MYH15: variants seen among roughly 807,000 people sequenced by gnomAD.
The protein encoded by MYH15 is myosin-15.
A neutral mutation model predicts 240.5 loss-of-function variants in MYH15; 227 were observed. That is an observed-to-expected ratio of 0.94 (90% CI 0.85 to 1.05). MYH15 has a LOEUF of 1.05. Among genes scored for constraint, MYH15 ranks in the 50% least tolerant of loss-of-function variants. The pLI, the probability that MYH15 is intolerant of heterozygous loss-of-function variation, is 0.00. For missense variants in MYH15, 2,217 were observed against 2,247.5 expected, an observed-to-expected ratio of 0.99 and a Z score of 0.27; for synonymous variants, 785 against 796.7, an observed-to-expected ratio of 0.99 and a Z score of 0.25.
intron 19 of MYH15, among the ~76,000 whole-genome samples, chr3:108,456,462 G>A (rs2083020573): frequency 6.6e-6 from 1 of 152,090 alleles, no homozygotes; most frequent in South Asian, 2.1e-4. Flanking sequence ...CTACGATTAA[G>A]TATACACAAC....
intron 33 of MYH15, among the ~76,000 whole-genome samples, chr3:108,403,838 T>TC (rs1184907317): frequency 1.3e-5 from 2 of 152,164 alleles, no homozygotes; most frequent in Non-Finnish European, 2.9e-5. Flanking sequence ...TGGCTTTTTT[T>TC]CGCACTAAGA....
At chr3:108,422,693 G>C (rs16854597) in intron 27 of MYH15, among the ~76,000 whole-genome samples, 13,593 of 152,186 alleles carry the variant, frequency 0.089, 1,399 homozygotes, top group East Asian at 0.55. Context: ...TATGGAAATG[G>C]AAGAACTGGG....
At chr3:108,458,886 G>T (rs779768002) in intron 18 of MYH15, among the ~76,000 whole-genome samples, 13 of 152,126 alleles carry the variant, frequency 8.5e-5, no homozygotes, top group African/African-American at 2.4e-5. Flanking sequence ...GGAAGAAGAT[G>T]TTGGCATTGG....
At chr3:108,507,860 T>C (rs1002508575) in intron 1 of MYH15, among the ~76,000 whole-genome samples, 14 of 152,350 alleles carry the variant, frequency 9.2e-5, no homozygotes, top group African/African-American at 2.6e-4. Flanking sequence ...TATGAAAATA[T>C]GCTTGTTTTT....
intron 11 of MYH15, 45 bp from the exon 12 acceptor site, chr3:108,476,560 T>C: frequency 8.0e-7 from 1 of 1,248,494 alleles, no homozygotes; most frequent in Non-Finnish European, 1.2e-6. Context: ...AGGAAAACAC[T>C]GTTAAGATTC....
intron 1 of MYH15, among the ~76,000 whole-genome samples, chr3:108,517,988 T>A (rs2083587768): frequency 6.6e-6 from 1 of 152,186 alleles, no homozygotes; most frequent in South Asian, 2.1e-4. Context: ...CTCATCTACA[T>A]TTGTATTTTT....
chr3:108,526,660 T>G (rs2083674252), intron 1 of MYH15, among the ~76,000 whole-genome samples: 2 of 152,200 alleles, frequency 1.3e-5, no homozygotes, highest in East Asian at 1.9e-4. Context: ...TAAATTAGAA[T>G]AGATTTTAAA....
In MYH15 at chr3:108,456,953, T is replaced by C. The variant is rs977473774; in HGVS notation, c.2021-70A>G. On this transcript the variant is annotated intron_variant, in intron 18 of 40. Coordinates refer to ENST00000693548, the MANE Select transcript of MYH15 (RefSeq NM_014981.3). ...ATTATTGGGACAGATTTTGAACCAA[T>C]TGCTGCATCTTGGGTTAAAAAGAAA... is the stretch of plus-strand genomic sequence containing the variant. The C allele has an allele frequency of 4.7e-5, 51 of 1,092,258 alleles. No homozygotes were observed. The Admixed American group carries it at 8.6e-4, about 18-fold the overall frequency. 67.7% of individuals were successfully genotyped at this position (1,092,258 alleles called of 1,614,324 possible). A position where few individuals can be genotyped will look rare whatever the true frequency, so the allele number is the denominator to read the frequency against.
In MYH15 at chr3:108,415,479, T is replaced by G. The variant is rs550814808; in HGVS notation, c.3949-1051A>C. On this transcript the variant is annotated intron_variant, in intron 29 of 40. Coordinates refer to ENST00000693548, the MANE Select transcript of MYH15 (RefSeq NM_014981.3). ...TTTAAAGGAAAAACTTTTAAAACCTTTATGTGGCATTTACATGGCATATAT... is the reference window on the plus strand; with the variant it reads ...TTTAAAGGAAAAACTTTTAAAACCTGTATGTGGCATTTACATGGCATATAT... Among the ~76,000 whole-genome samples, 40 of 152,312 alleles carry G rather than the reference T, an allele frequency of 2.6e-4. 1 individual carries two copies. The South Asian group carries it at 3.9e-3, about 15-fold the overall frequency.
In MYH15 at chr3:108,410,912, A is replaced by T; in HGVS notation, c.4166T>A (p.Leu1389Ter). The change falls in exon 31 of 41, where the codon TTG (leucine) becomes TAG (stop). Residue 1389 changes from leucine to a stop codon, truncating the protein, a stop_gained. Coordinates refer to ENST00000693548, the MANE Select transcript of MYH15 (RefSeq NM_014981.3). LOFTEE classifies it high-confidence loss of function. ...EDAKKELAIR[L>*]QEAAEAMGVA... ...CCCCATGGCTTCGGCTGCCTCCTGC[A>T]ATCTAATTGCCAGTTCCTTCCTGAG... 1 of 1,602,382 alleles carries T rather than the reference A, an allele frequency of 6.2e-7. No homozygotes were observed. The highest frequency in any genetic ancestry group is 1.1e-5 in the South Asian group (1 of 90,584).
rs56118396 is a variant in MYH15, at chr3:108,394,107, C to T, written c.5183G>A (p.Arg1728Gln). ...QKKKLEADVA[R>Q]MQKEAEEVVQ... is the part of the protein sequence containing the mutation. ...CACCTCTTCAGCTTCTTTCTGCATC[C>T]GGGCAACATCAGCCTCCAGTTTCTT... is the stretch of plus-strand genomic sequence containing the variant. Residue 1728 changes from arginine (R) to glutamine (Q), a missense_variant, in exon 36 of 41, where the codon CGG (arginine) becomes CAG (glutamine). Coordinates refer to ENST00000693548, the MANE Select transcript of MYH15 (RefSeq NM_014981.3). 7.2e-3 allele frequency: 11,643 copies of T among 1,614,074 alleles called. 88 individuals are homozygous for T. Among genetic ancestry groups the T allele is most frequent in the South Asian group, 0.01 (929 of 91,082 alleles).
chr3:108,404,453 T>G (rs1367936430), intron 33 of MYH15, among the ~76,000 whole-genome samples: 1 of 152,232 alleles, frequency 6.6e-6, no homozygotes, highest in African/African-American at 2.4e-5. Flanking sequence ...ATAATCATCG[T>G]TAATTCCATG....
intron 16 of MYH15, chr3:108,461,769 G>C (rs1331289348): frequency 6.6e-6 from 1 of 152,170 alleles, no homozygotes; most frequent in Non-Finnish European, 1.5e-5. Flanking sequence ...GGCAGGCCCA[G>C]AGGATTTCAG....
chr3:108,388,245 C>A (rs2082398168), intron 38 of MYH15, among the ~76,000 whole-genome samples: 1 of 152,058 alleles, frequency 6.6e-6, no homozygotes, highest in African/African-American at 2.4e-5. Context: ...GATGCCAGAC[C>A]CTGGAGGGGA....
At chr3:108,508,959 C>T (rs753875138) in intron 1 of MYH15, among the ~76,000 whole-genome samples, 8 of 152,080 alleles carry the variant, frequency 5.3e-5, no homozygotes, top group African/African-American at 1.7e-4. Flanking sequence ...GGAAGGCAGA[C>T]CGGACAAGTA....
chr3:108,508,580 C>T (rs2083496962), intron 1 of MYH15, among the ~76,000 whole-genome samples: 1 of 152,050 alleles, frequency 6.6e-6, no homozygotes, highest in Admixed American at 6.6e-5. Context: ...CTAATATGTG[C>T]TTATTGAAGA....
chr3:108,428,797 G>C lies in MYH15; in HGVS notation c.3397C>G (p.Gln1133Glu), dbSNP rs755610397. ...KMERERADLT[Q>E]DLADLNERLE... ...CTCTCATTCAAGTCAGCCAGGTCTT[G>C]GGTGAGGTCAGCTCTCTCCCTTTCC... The change falls in exon 27 of 41, where the codon CAA becomes GAA. Residue 1133 changes from glutamine (Q) to glutamate (E), a missense_variant. Physicochemically the swap from Gln to Glu is conservative, Grantham distance 29 (BLOSUM62 2). Transcript: ENST00000693548. The C allele has an allele frequency of 6.2e-7, 1 of 1,613,972 alleles. No homozygotes were observed. Among genetic ancestry groups the C allele is most frequent in the East Asian group, 2.2e-5 (1 of 44,880 alleles).
At chr3:108,429,959 A>G (rs2082764313) in intron 26 of MYH15, among the ~76,000 whole-genome samples, 2 of 152,214 alleles carry the variant, frequency 1.3e-5, no homozygotes, top group Admixed American at 6.5e-5. Context: ...TAATCTTTAG[A>G]GAACTTTTTG....
chr3:108,448,567 T>C (rs1295994246), intron 21 of MYH15, among the ~76,000 whole-genome samples: 1 of 152,044 alleles, frequency 6.6e-6, no homozygotes, highest in Non-Finnish European at 1.5e-5. Context: ...TCTTTATATT[T>C]GACAAGATTT....
Sources: allele counts gnomAD v4.1 joint callset (sites outside exome capture counted in the v4.1 genomes callset), GRCh38; gene constraint gnomAD v4.1.1; transcripts MANE v1.5; gene names NCBI Gene and HGNC (gene_info 2026-07-23, HGNC 2026-07-21).